PTK2B: variants seen among roughly 807,000 people sequenced by gnomAD.
PTK2B encodes the protein protein tyrosine kinase 2 beta.
Under a neutral mutation model 142.9 loss-of-function variants are expected in PTK2B, and 71 were observed. The observed-to-expected ratio is 0.50, with a 90% CI of 0.41 to 0.61. The LOEUF (loss-of-function observed/expected upper bound fraction) is 0.61, where lower values mean the gene tolerates loss of function less well. Among genes scored for constraint, PTK2B ranks in the 20% least tolerant of loss-of-function variants. The pLI is 0.00. For synonymous variants in PTK2B, 519 were observed against 503.4 expected, an observed-to-expected ratio of 1.03 and a Z score of -0.42; for missense variants, 1,105 against 1,320.4, an observed-to-expected ratio of 0.84 and a Z score of 2.53.
At chr8:27,343,371 G>A (rs942752716) in intron 1 of PTK2B, among the ~76,000 whole-genome samples, 2 of 152,050 alleles carry the variant, frequency 1.3e-5, no homozygotes, top group East Asian at 1.9e-4. Flanking sequence ...CTGACTCAAG[G>A]TCTTGCTCTT....
intron 15 of PTK2B, 90 bp downstream of exon 15, chr8:27,436,438 G>T: frequency 1.5e-6 from 2 of 1,302,656 alleles, no homozygotes; most frequent in Non-Finnish European, 2.2e-6. Flanking sequence ...AGTTGGCACA[G>T]CCTTCATCCA....
intron 7 of PTK2B, among the ~76,000 whole-genome samples, 185 bp downstream of exon 7, chr8:27,430,603 C>G (rs562276666): frequency 6.6e-6 from 1 of 152,290 alleles, no homozygotes; most frequent in South Asian, 2.1e-4. Flanking sequence ...CTGTTACATG[C>G]CTGGGCTCCG....
intron 22 of PTK2B, among the ~76,000 whole-genome samples, chr8:27,443,332 C>T (rs901482021): frequency 2.0e-5 from 3 of 152,214 alleles, no homozygotes; most frequent in African/African-American, 7.2e-5. Context: ...TACATCTATA[C>T]CCCGCATGGC....
chr8:27,434,516 C>T lies in PTK2B; in HGVS notation c.1149C>T (p.Asn383=). The change falls in exon 13 of 31, where the codon AAC becomes AAT. Residue 383 remains asparagine, a synonymous_variant. Coordinates refer to ENST00000346049, the MANE Select transcript of PTK2B (RefSeq NM_173176.3). The part of the protein sequence containing the change: ...RNSLPQIPML[N]LEARRSHLSE... ...TCTGCTCTCTCACCTCCTACAGAAACCTGGAGGCCCGGCGGTCCCACCTCT... is the reference window on the plus strand; with the variant it reads ...TCTGCTCTCTCACCTCCTACAGAAATCTGGAGGCCCGGCGGTCCCACCTCT... 2 of 1,609,560 alleles carry T rather than the reference C, an allele frequency of 1.2e-6. No individual in the cohort carries two copies. The highest frequency in any genetic ancestry group is 1.7e-6 in the Non-Finnish European group (2 of 1,178,060).
chr8:27,386,737 A>G (rs1192202941), intron 1 of PTK2B, among the ~76,000 whole-genome samples: 1 of 152,214 alleles, frequency 6.6e-6, no homozygotes, highest in African/African-American at 2.4e-5. Context: ...CTAGGTTTGC[A>G]AAGAGTGGCA....
chr8:27,344,561 G>A (rs1181396095), intron 1 of PTK2B, among the ~76,000 whole-genome samples: 1 of 152,196 alleles, frequency 6.6e-6, no homozygotes, highest in Admixed American at 6.5e-5. Context: ...CCATGTAGCT[G>A]TTACTTGTAT....
At chr8:27,431,513 G>C (rs1468312911) in intron 9 of PTK2B, 41 bp downstream of exon 9, 2 of 1,611,668 alleles carry the variant, frequency 1.2e-6, no homozygotes, top group Admixed American at 3.3e-5. Context: ...CCCAGGCGGG[G>C]AGGTCGTCCC....
intron 3 of PTK2B, among the ~76,000 whole-genome samples, chr8:27,319,981 A>T (rs1230851457): frequency 6.6e-6 from 1 of 152,164 alleles, no homozygotes; most frequent in Non-Finnish European, 1.5e-5. Flanking sequence ...AGTGAACACC[A>T]GCTGGTGAGA....
rs1586367060 is a variant in PTK2B, at chr8:27,454,385, CCT to C, written c.2733+97_2733+98del. 2.4e-5 allele frequency: 37 copies of C among 1,556,326 alleles called. No homozygotes were observed. In the East Asian group the frequency reaches 8.4e-4, roughly 35 times the overall value. On this transcript the variant is annotated intron_variant, in intron 29 of 30. Transcript: ENST00000346049. ...CTTCCTGTTGGCTGGCCCAGCAGAT[CCT>C]CTTAGAGCAAGCTGGGCCAGGGGAA...
At chr8:27,326,300 T>C (rs546223220) in intron 1 of PTK2B, among the ~76,000 whole-genome samples, 72 of 151,858 alleles carry the variant, frequency 4.7e-4, no homozygotes, top group African/African-American at 1.7e-3. Context: ...AGAAGCCGCC[T>C]CCTGAGTGCC....
chr8:27,386,784 A>G (rs1040318710), intron 1 of PTK2B, among the ~76,000 whole-genome samples: 10 of 151,912 alleles, frequency 6.6e-5, no homozygotes, highest in African/African-American at 2.4e-4. Context: ...GTTCAAGACA[A>G]TGGTTTTGTT....
At position 27,437,081 on chromosome 8, in the gene PTK2B, C is replaced by T. The variant is rs771217877; in HGVS notation, c.1342-41C>T. On this transcript the variant is annotated intron_variant, in intron 15 of 30. Coordinates refer to ENST00000346049, the MANE Select transcript of PTK2B (RefSeq NM_173176.3). Reference sequence around the variant, plus strand: ...CCAGGAGGGAACATTCTGCTGAGCACTGGGCTGGACCAAGGGGTCCTGAAC... The same window carrying T: ...CCAGGAGGGAACATTCTGCTGAGCATTGGGCTGGACCAAGGGGTCCTGAAC... The T allele has an allele frequency of 6.3e-6, 10 of 1,581,680 alleles. No homozygotes were observed. The Admixed American group carries it at 1.5e-4, about 24-fold the overall frequency.
At chr8:27,452,726 C>CT in intron 27 of PTK2B, 1 of 233,248 alleles carries the variant, frequency 4.3e-6, no homozygotes, top group South Asian at 1.5e-4. Flanking sequence ...CCATGAGCTG[C>CT]TGTCTCCCCA....
intron 1 of PTK2B, among the ~76,000 whole-genome samples, chr8:27,354,089 A>G (rs1805259972): frequency 6.6e-6 from 1 of 152,126 alleles, no homozygotes; most frequent in Admixed American, 6.5e-5. Flanking sequence ...TCTGGCTGTC[A>G]TTACATGTTG....
intron 1 of PTK2B, among the ~76,000 whole-genome samples, chr8:27,391,804 A>G (rs1807742617): frequency 6.6e-6 from 1 of 152,230 alleles, no homozygotes; most frequent in African/African-American, 2.4e-5. Context: ...CTTACAGACA[A>G]TCAGAAGTTT....
intron 2 of PTK2B, among the ~76,000 whole-genome samples, chr8:27,403,740 CT>C (rs199989182): frequency 0.02 from 2,966 of 151,388 alleles, 98 homozygotes; most frequent in African/African-American, 0.068. Context: ...GGGCGGCTCT[CT>C]TTGGCTCTTG....
chr8:27,347,341 C>A (rs907364951), intron 1 of PTK2B, among the ~76,000 whole-genome samples: 2 of 152,172 alleles, frequency 1.3e-5, no homozygotes, highest in Non-Finnish European at 2.9e-5. Flanking sequence ...GATCCACCCA[C>A]CTCGGCCTCC....
At chr8:27,350,989 AAATATATAT>A (rs1205954869) in intron 1 of PTK2B, among the ~76,000 whole-genome samples, 2 of 17,724 alleles carry the variant, frequency 1.1e-4, no homozygotes, top group East Asian at 6.9e-4. Context: ...AAAAAAAAAA[AAATATATAT>A]ATATATATAT....
intron 14 of PTK2B, among the ~76,000 whole-genome samples, chr8:27,436,030 G>A (rs1053083806): frequency 4.6e-5 from 7 of 152,130 alleles, no homozygotes; most frequent in African/African-American, 1.7e-4. Flanking sequence ...CTAGTAACGT[G>A]GACCTGGGAC....
Sources: allele counts gnomAD v4.1 joint callset (sites outside exome capture counted in the v4.1 genomes callset), GRCh38; gene constraint gnomAD v4.1.1; transcripts MANE v1.5; gene names NCBI Gene and HGNC (gene_info 2026-07-23, HGNC 2026-07-21).